Variants in CPT1C observed in about 807,000 individuals in gnomAD.
The protein encoded by CPT1C is carnitine palmitoyltransferase 1C, also known as palmitoyl thioesterase CPT1C.
Under a neutral mutation model 97.3 loss-of-function variants are expected in CPT1C, and 61 were observed. The observed-to-expected ratio is 0.63, with a 90% CI of 0.51 to 0.78. CPT1C has a LOEUF of 0.78. CPT1C is among the 30% of genes least tolerant of loss of function. The pLI is 0.00. For missense variants in CPT1C, 975 were observed against 1,065.5 expected (o/e 0.92, Z 1.18); for synonymous variants, 469 against 447.2 (o/e 1.05, Z -0.61).
In CPT1C at chr19:49,692,247, C is replaced by A. The variant is rs766803683; in HGVS notation, c.-6C>A. The A allele has an allele frequency of 3.7e-6, 6 of 1,613,392 alleles. No homozygotes were observed. Among genetic ancestry groups the A allele is most frequent in the Non-Finnish European group, 5.1e-6 (6 of 1,179,970 alleles). On this transcript the variant is annotated 5_prime_UTR_variant, in exon 3 of 20. Coordinates refer to ENST00000598293, the MANE Select transcript of CPT1C (RefSeq NM_001199753.2). ...GACTCTGCCCGACTCAGGGCTCCAG[C>A]GTGACATGGCTGAAGCGCACCAGGC...
intron 7 of CPT1C, among the ~76,000 whole-genome samples, chr19:49,702,032 T>TA (rs1555779119): frequency 1.1e-5 from 1 of 91,700 alleles, no homozygotes; most frequent in Non-Finnish European, 2.0e-5. Context: ...AAATTATAAA[T>TA]ATATATTTAT....
At position 49,711,926 on chromosome 19, in the gene CPT1C, C is replaced by T. The variant is rs1277088734; in HGVS notation, c.1984C>T (p.Arg662Ter). Residue 662 changes from arginine to a stop codon, truncating the protein, a stop_gained, in exon 17 of 20, where the codon CGA becomes TGA. Coordinates refer to ENST00000598293, the MANE Select transcript of CPT1C (RefSeq NM_001199753.2). LOFTEE classifies it high-confidence loss of function. Reference sequence around the variant, plus strand: ...CCTGTTTGCGCTGTACATCGTGTCCCGATTCCTCCACCTGCAGTCGCCCTT... The same window carrying T: ...CCTGTTTGCGCTGTACATCGTGTCCTGATTCCTCCACCTGCAGTCGCCCTT... Reference protein sequence around the residue: ...RHLFALYIVSRFLHLQSPFLT... With the variant: ...RHLFALYIVS 7 of 1,614,196 alleles carry T rather than the reference C, an allele frequency of 4.3e-6. No homozygotes were observed. The highest frequency in any genetic ancestry group is 1.7e-5 in the Admixed American group (1 of 60,024).
At position 49,704,460 on chromosome 19, in the gene CPT1C, C is replaced by A. The variant is rs188984270; in HGVS notation, c.694-250C>A. 4.5e-4 allele frequency among the ~76,000 whole-genome samples: 69 copies of A among 152,286 alleles called. No individual in the cohort carries two copies. The East Asian group carries it at 5.4e-3, about 12-fold the overall frequency. ...TGCTGGGATTACAGGCGGGAGCCAC[C>A]GTGCCCAGCTGTACCTTGTTATTTC... On this transcript the variant is annotated intron_variant, in intron 7 of 19. Transcript: ENST00000598293.
chr19:49,703,595 C>CCTTCCTTCCTTCCTTTCTTCCTTCCTT (rs1568525615), intron 7 of CPT1C, among the ~76,000 whole-genome samples: 1 of 75,818 alleles, frequency 1.3e-5, no homozygotes, highest in Non-Finnish European at 2.3e-5. Flanking sequence ...CTCCCTCCCT[C>CCTTCCTTCCTTCCTTTCTTCCTTCCTT]CCTTCCTTCC....
intron 14 of CPT1C, among the ~76,000 whole-genome samples, 179 bp from the exon 15 acceptor site, chr19:49,710,141 C>G (rs957009519): frequency 2.2e-4 from 33 of 152,190 alleles, no homozygotes; most frequent in Non-Finnish European, 4.7e-4. Flanking sequence ...CGCCACCACG[C>G]CCAGCCCCTA....
At chr19:49,710,091 G>C (rs995090624) in intron 14 of CPT1C, among the ~76,000 whole-genome samples, 1 of 150,374 alleles carries the variant, frequency 6.7e-6, no homozygotes, top group Non-Finnish European at 1.5e-5. Flanking sequence ...CAGGTGATCC[G>C]CCCGCCTCGG....
intron 3 of CPT1C, among the ~76,000 whole-genome samples, chr19:49,697,117 C>T (rs1172905534): frequency 6.6e-6 from 1 of 152,216 alleles, no homozygotes. Flanking sequence ...CAGGGCTCCT[C>T]CTATTTCTTG....
In CPT1C at chr19:49,697,451, G is replaced by C; in HGVS notation, c.267G>C (p.Glu89Asp). The C allele has an allele frequency of 6.2e-7, 1 of 1,614,010 alleles. No individual in the cohort carries two copies. Among genetic ancestry groups the C allele is most frequent in the Non-Finnish European group, 8.5e-7 (1 of 1,179,960 alleles). Residue 89 changes from glutamate to aspartate, a missense_variant, in exon 4 of 20, where the codon GAG (glutamate) becomes GAC (aspartate). Glu to Asp is a conservative substitution (Grantham distance 45). Around this residue, in one of 3 missense-constraint regions of CPT1C, gnomAD observed 596 missense variants for 603.1 expected, o/e 0.99. Transcript: ENST00000598293. ...PSLGLMEKIK[E>D]LLPDWGGQHH... ...TAGGACTGATGGAGAAGATCAAAGA[G>C]TTGCTGCCTGACTGGTGAGGTCCCC...
chr19:49,713,645 G>A lies in CPT1C; in HGVS notation c.*40G>A. The A allele has an allele frequency of 6.4e-7, 1 of 1,563,314 alleles. No individual in the cohort carries two copies. The highest frequency in any genetic ancestry group is 8.7e-7 in the Non-Finnish European group (1 of 1,152,696). On this transcript the variant is annotated 3_prime_UTR_variant, in exon 20 of 20. Coordinates refer to ENST00000598293, the MANE Select transcript of CPT1C (RefSeq NM_001199753.2). The stretch of plus-strand genomic sequence containing the variant: ...CAGCTGGCCTCTCCAAGGAATAAGG[G>A]TGAAATTGCCACAGCTGGCTGACAC...
At chr19:49,694,530 G>A (rs1179475748) in intron 3 of CPT1C, among the ~76,000 whole-genome samples, 1 of 151,350 alleles carries the variant, frequency 6.6e-6, no homozygotes, top group African/African-American at 2.4e-5. Flanking sequence ...CTGGGAGGCT[G>A]AGGCAGAAGA....
chr19:49,712,857 G>C lies in CPT1C; in HGVS notation c.2133+8G>C, dbSNP rs759483036. 2.7e-6 allele frequency: 4 copies of C among 1,459,362 alleles called. No individual in the cohort carries two copies. The highest frequency in any genetic ancestry group is 3.6e-6 in the Non-Finnish European group (4 of 1,109,700). 90.4% of individuals were successfully genotyped at this position (1,459,362 alleles called of 1,614,324 possible). On this transcript the variant is annotated splice_region_variant and intron_variant, in intron 18 of 19. Coordinates refer to ENST00000598293, the MANE Select transcript of CPT1C (RefSeq NM_001199753.2). ...GGCGGTGGATTCGGGCCTGTGAGTGGAGCTGGGCGCGCTGGCCCCCAGAGG... is the reference window on the plus strand; with the variant it reads ...GGCGGTGGATTCGGGCCTGTGAGTGCAGCTGGGCGCGCTGGCCCCCAGAGG...
chr19:49,690,681 C>T (rs1026180515), upstream of CPT1C: 1 of 555,092 alleles, frequency 1.8e-6, no homozygotes, highest in African/African-American at 1.9e-5. This position sits in a 1 kb window ranked among gnomAD's most constrained non-coding sequence, Gnocchi z 4.4. Context: ...GTCCCACTGT[C>T]TACCTTGAAT....
chr19:49,693,293 C>T (rs1435196769), intron 3 of CPT1C, among the ~76,000 whole-genome samples: 1 of 152,070 alleles, frequency 6.6e-6, no homozygotes, highest in Non-Finnish European at 1.5e-5. Flanking sequence ...TACAGGGACT[C>T]CCTGCTTGTC....
rs570650377 is a variant in CPT1C at position 49,694,360 on chromosome 19, G to C, written c.141+1967G>C. Among the ~76,000 whole-genome samples, 17 of 152,046 alleles carry C rather than the reference G, an allele frequency of 1.1e-4. No individual in the cohort carries two copies. In the South Asian group the frequency reaches 3.5e-3, roughly 32 times the overall value. ...ATAAGGGGGTGGCAGGCCAGGTGCGGTGGCTCACGCCTGTAATCCCAGCAC... is the reference window on the plus strand; with the variant it reads ...ATAAGGGGGTGGCAGGCCAGGTGCGCTGGCTCACGCCTGTAATCCCAGCAC... On this transcript the variant is annotated intron_variant, in intron 3 of 19. Transcript: ENST00000598293.
intron 7 of CPT1C, among the ~76,000 whole-genome samples, chr19:49,704,483 T>G (rs2083388491): frequency 6.6e-6 from 1 of 152,206 alleles, no homozygotes; most frequent in Non-Finnish European, 1.5e-5. Flanking sequence ...ACCTTGTTAT[T>G]TCCACCAGCT....
intron 17 of CPT1C, 114 bp from the exon 18 acceptor site, chr19:49,712,622 A>G: frequency 1.3e-6 from 1 of 747,288 alleles, no homozygotes; most frequent in African/African-American, 1.7e-5. Context: ...GTTAGGGAGA[A>G]GGAGGCCCGG....
chr19:49,692,415 T>C, intron 3 of CPT1C, 22 bp downstream of exon 3: 1 of 1,612,962 alleles, frequency 6.2e-7, no homozygotes, highest in Non-Finnish European at 8.5e-7. Flanking sequence ...TGCTGGTCGG[T>C]TTCCTTCCGG....
At chr19:49,709,427 A>T (rs1405745481) in intron 14 of CPT1C, among the ~76,000 whole-genome samples, 3 of 150,088 alleles carry the variant, frequency 2.0e-5, no homozygotes, top group African/African-American at 7.4e-5. Flanking sequence ...CACTTCCCAT[A>T]CCCAACCCCT....
chr19:49,705,389 C>G, intron 10 of CPT1C, 91 bp downstream of exon 10: 2 of 1,079,698 alleles, frequency 1.9e-6, no homozygotes, highest in Non-Finnish European at 2.7e-6. Flanking sequence ...GAGCTGGGAA[C>G]CATTGCTTCC....
Sources: allele counts gnomAD v4.1 joint callset (sites outside exome capture counted in the v4.1 genomes callset), GRCh38; gene constraint gnomAD v4.1.1; regional missense constraint gnomAD v4.1.1; non-coding constraint Gnocchi (gnomAD v3.1); transcripts MANE v1.5; gene names NCBI Gene and HGNC (gene_info 2026-07-23, HGNC 2026-07-21).